Variants in RAC1 observed in about 807,000 individuals in gnomAD.
RAC1 encodes ras-related C3 botulinum toxin substrate 1.
Under a neutral mutation model 25.2 loss-of-function variants are expected in RAC1, and 2 were observed. The ratio of observed to expected loss-of-function variants is 0.08; its 90% CI spans 0.03 to 0.25. The LOEUF is 0.25. Ranked by LOEUF, RAC1 falls within the 10% of genes least tolerant of loss-of-function variation. The pLI is 1.00. For synonymous variants in RAC1, 88 were observed against 94.0 expected, an observed-to-expected ratio of 0.94 and a Z score of 0.37; for missense variants, 50 against 235.7, an observed-to-expected ratio of 0.21 and a Z score of 5.16.
At chr7:6,393,263 G>C (rs1241370057) in intron 3 of RAC1, among the ~76,000 whole-genome samples, 3 of 152,186 alleles carry the variant, frequency 2.0e-5, no homozygotes, top group Admixed American at 6.5e-5. Flanking sequence ...ATAATCCCCA[G>C]ACAATTCAAA....
intron 4 of RAC1, among the ~76,000 whole-genome samples, chr7:6,400,444 C>T (rs550075730): frequency 9.9e-5 from 15 of 151,800 alleles, no homozygotes; most frequent in Non-Finnish European, 1.6e-4. Context: ...GTTCTCCTGC[C>T]CCAGCCTCCT....
In RAC1 at chr7:6,403,162, A is replaced by G; in HGVS notation, c.*716A>G. On this transcript the variant is annotated 3_prime_UTR_variant, in exon 6 of 6. Coordinates refer to ENST00000348035, the MANE Select transcript of RAC1 (RefSeq NM_006908.5). ...GTGTGTGTGATCAAAGGACAAAGAC[A>G]GTATTTTGACAAAATACGAAGTGGA... is the stretch of plus-strand genomic sequence containing the variant. 4.5e-6 allele frequency: 1 copy of G among 219,936 alleles called. No homozygotes were observed. Among genetic ancestry groups the G allele is most frequent in the Non-Finnish European group, 9.1e-6 (1 of 109,474 alleles). 13.6% of individuals were successfully genotyped at this position (219,936 alleles called of 1,614,324 possible).
At position 6,386,161 on chromosome 7, in the gene RAC1, A is replaced by G. The variant is rs960843763; in HGVS notation, c.36-1051A>G. Among the ~76,000 whole-genome samples the G allele has an allele frequency of 3.3e-5, 5 of 152,078 alleles. No individual in the cohort carries two copies. In the East Asian group the frequency reaches 9.6e-4, roughly 29 times the overall value. ...TCCTTTCTCTGAAGTATTTCTACAC[A>G]CTTCTCTGTTTGGCAAGTTTAACTC... On this transcript the variant is annotated intron_variant, in intron 1 of 5. Transcript: ENST00000348035.
intron 3 of RAC1, among the ~76,000 whole-genome samples, chr7:6,396,492 C>T (rs1783237969): frequency 6.6e-6 from 1 of 152,164 alleles, no homozygotes; most frequent in African/African-American, 2.4e-5. Context: ...AGTGGAACTG[C>T]TCGCTCCTGT....
intron 3 of RAC1, among the ~76,000 whole-genome samples, chr7:6,397,663 A>G (rs1486489631): frequency 6.6e-6 from 1 of 152,194 alleles, no homozygotes; most frequent in Non-Finnish European, 1.5e-5. Context: ...AATTGACAGC[A>G]TTGTGATAAA....
At chr7:6,384,370 C>A (rs1450253681) in intron 1 of RAC1, among the ~76,000 whole-genome samples, 1 of 152,210 alleles carries the variant, frequency 6.6e-6, no homozygotes, top group African/African-American at 2.4e-5. Flanking sequence ...GAGGCTTCTT[C>A]TAAAATCCAG....
In RAC1 at chr7:6,402,969, C is replaced by A. The variant is rs1378064243; in HGVS notation, c.*523C>A. 1 of 190,956 alleles carries A rather than the reference C, an allele frequency of 5.2e-6. No individual in the cohort carries two copies. Among genetic ancestry groups the A allele is most frequent in the African/African-American group, 2.3e-5 (1 of 42,948 alleles). 11.8% of individuals were successfully genotyped at this position (190,956 alleles called of 1,614,324 possible). ...CACCAGTGAGTTAGCAGCACGTGTT[C>A]CCGACATAACATTGTACTGTAATGG... On this transcript the variant is annotated 3_prime_UTR_variant, in exon 6 of 6. Transcript: ENST00000348035.
At chr7:6,387,351 T>G (rs1041235576) in intron 2 of RAC1, 68 bp downstream of exon 2, 120 of 1,186,634 alleles carry the variant, frequency 1.0e-4, no homozygotes, top group Non-Finnish European at 1.4e-4. Context: ...ACCATTTGTT[T>G]TGCTGTAAAG....
intron 1 of RAC1, among the ~76,000 whole-genome samples, chr7:6,379,974 T>G (rs1782719450): frequency 6.6e-6 from 1 of 152,198 alleles, no homozygotes. Context: ...AACGAATGAC[T>G]TGAAGCCCTC....
intron 4 of RAC1, 85 bp downstream of exon 4, chr7:6,400,273 AT>A: frequency 7.6e-7 from 1 of 1,313,448 alleles, no homozygotes; most frequent in Non-Finnish European, 1.1e-6. Context: ...TAGCCTAGGA[AT>A]TTTTAGTTAT....
intron 1 of RAC1, chr7:6,376,038 C>G (rs766281813): frequency 6.7e-6 from 1 of 149,760 alleles, no homozygotes; most frequent in Non-Finnish European, 1.5e-5. Context: ...ATTCTTCAAA[C>G]TTATCATTAG....
At chr7:6,397,327 C>G (rs1446575422) in intron 3 of RAC1, among the ~76,000 whole-genome samples, 2 of 151,972 alleles carry the variant, frequency 1.3e-5, no homozygotes, top group African/African-American at 2.4e-5. Context: ...CAGGGTCTCG[C>G]TCTGTCACCC....
At chr7:6,402,051 C>T in intron 5 of RAC1, 24 bp downstream of exon 5, 3 of 1,603,700 alleles carry the variant, frequency 1.9e-6, no homozygotes, top group Non-Finnish European at 2.6e-6. Flanking sequence ...TGTTTTTCCT[C>T]CTCCTTGTAC....
At chr7:6,399,876 C>T (rs1167289668) in intron 3 of RAC1, 3 of 540,754 alleles carry the variant, frequency 5.5e-6, no homozygotes, top group Non-Finnish European at 9.9e-6. Context: ...CCTCCTGATC[C>T]TTGAAGAGCT....
chr7:6,394,110 A>T (rs991576776), intron 3 of RAC1, among the ~76,000 whole-genome samples: 1 of 152,100 alleles, frequency 6.6e-6, no homozygotes, highest in African/African-American at 2.4e-5. Context: ...GACTGCTTAG[A>T]CACTCTCCTG....
intron 3 of RAC1, among the ~76,000 whole-genome samples, chr7:6,394,583 G>A (rs1019422601): frequency 6.6e-6 from 1 of 152,178 alleles, no homozygotes; most frequent in African/African-American, 2.4e-5. Flanking sequence ...GCTGTGCAGC[G>A]GGTTCGCTGA....
intron 1 of RAC1, among the ~76,000 whole-genome samples, chr7:6,375,271 T>TC (rs1453766614): frequency 1.3e-5 from 2 of 152,130 alleles, no homozygotes; most frequent in Non-Finnish European, 2.9e-5. Flanking sequence ...AATTTTTTTT[T>TC]CATAGACGGG....
At chr7:6,378,260 T>C (rs540661095) in intron 1 of RAC1, among the ~76,000 whole-genome samples, 1 of 145,336 alleles carries the variant, frequency 6.9e-6, no homozygotes, top group Non-Finnish European at 1.5e-5. Context: ...TATGAAAATA[T>C]GTCTGCCAGG....
intron 1 of RAC1, among the ~76,000 whole-genome samples, chr7:6,380,121 TACAGGA>T (rs1034239993): frequency 1.9e-4 from 29 of 152,330 alleles, no homozygotes; most frequent in Admixed American, 1.2e-3. Context: ...ACATCATCCT[TACAGGA>T]ACATTCTTTA....
Sources: gnomAD v4.1 joint callset for allele counts (sites outside exome capture counted in the v4.1 genomes callset) on GRCh38, gnomAD v4.1.1 for gene constraint, MANE v1.5 for transcripts, NCBI Gene and HGNC (gene_info 2026-07-23, HGNC 2026-07-21) for gene names.